CTNND2: variants seen among roughly 807,000 people sequenced by gnomAD.
CTNND2 encodes the protein catenin delta 2.
Under a neutral mutation model 144.4 loss-of-function variants are expected in CTNND2, and 22 were observed. The ratio of observed to expected loss-of-function variants is 0.15; its 90% CI spans 0.11 to 0.22. CTNND2 has a LOEUF of 0.22. Among genes scored for constraint, CTNND2 ranks in the 10% least tolerant of loss-of-function variants. The pLI is 1.00. For synonymous variants in CTNND2, 751 were observed against 695.6 expected (o/e 1.08, Z -1.25); for missense variants, 1,353 against 1,618.8 (o/e 0.84, Z 2.82).
chr5:11,805,103 A>C (rs1463704637), intron 1 of CTNND2, among the ~76,000 whole-genome samples: 1 of 152,146 alleles, frequency 6.6e-6, no homozygotes, highest in South Asian at 2.1e-4. Context: ...CTGAACAATT[A>C]AGTAAAAGGA....
At chr5:11,857,901 TG>T (rs1162808478) in intron 1 of CTNND2, among the ~76,000 whole-genome samples, 1 of 152,220 alleles carries the variant, frequency 6.6e-6, no homozygotes, top group Non-Finnish European at 1.5e-5. Context: ...TGACAAGGTC[TG>T]CCCATGATCA....
At chr5:11,766,374 A>C (rs1789589015) in intron 1 of CTNND2, among the ~76,000 whole-genome samples, 2 of 152,154 alleles carry the variant, frequency 1.3e-5, no homozygotes, top group Admixed American at 1.3e-4. Flanking sequence ...GGAAGGACCC[A>C]GTGGGAGGTA....
intron 11 of CTNND2, among the ~76,000 whole-genome samples, chr5:11,166,405 C>T (rs61757187): frequency 0.014 from 2,126 of 148,662 alleles, 19 homozygotes; most frequent in Non-Finnish European, 0.022. Context: ...TGCACCACCA[C>T]GCCCGGCTAA....
chr5:11,867,281 C>T (rs4379193), intron 1 of CTNND2, among the ~76,000 whole-genome samples: 99,325 of 152,126 alleles, frequency 0.65, 33,115 homozygotes, highest in East Asian at 0.81. Context: ...AGACTTTGCA[C>T]TGATTTCAGA....
intron 9 of CTNND2, among the ~76,000 whole-genome samples, chr5:11,257,677 T>A (rs890684927): frequency 6.6e-5 from 10 of 152,154 alleles, no homozygotes; most frequent in Non-Finnish European, 8.8e-5. Flanking sequence ...AATATGGGGT[T>A]ACAATTCGAG....
At chr5:11,570,206 C>G (rs1294226420) in intron 2 of CTNND2, among the ~76,000 whole-genome samples, 3 of 152,170 alleles carry the variant, frequency 2.0e-5, no homozygotes, top group Non-Finnish European at 4.4e-5. Flanking sequence ...CTGAAGAAAT[C>G]TCTCCTGGAG....
Position 11,320,261 on chromosome 5 carries a change from A to C in CTNND2, c.1628+26111T>G, listed in dbSNP as rs146121855. Among the ~76,000 whole-genome samples, 989 of 152,294 alleles carry C rather than the reference A, an allele frequency of 6.5e-3. 14 individuals carry two copies. Among genetic ancestry groups the C allele is most frequent in the African/African-American group, 0.022 (933 of 41,546 alleles). The stretch of plus-strand genomic sequence containing the variant: ...TGGTTGGCAGGTTTTGACAGGAAAA[A>C]AGTTGTTCTTCATAAACATTAATAT... On this transcript the variant is annotated intron_variant, in intron 9 of 21. Transcript: ENST00000304623.
intron 3 of CTNND2, among the ~76,000 whole-genome samples, chr5:11,495,975 G>C (rs1038110069): frequency 6.6e-6 from 1 of 152,080 alleles, no homozygotes; most frequent in African/African-American, 2.4e-5. Flanking sequence ...TCATTGCTAT[G>C]ATGTTGTTAT....
intron 1 of CTNND2, among the ~76,000 whole-genome samples, chr5:11,757,361 C>A (rs527650631): frequency 6.6e-5 from 10 of 151,830 alleles, no homozygotes; most frequent in Non-Finnish European, 1.3e-4. Flanking sequence ...GTTCTCTCCT[C>A]TACAAATACT....
chr5:11,607,231 C>T (rs545445668), intron 2 of CTNND2, among the ~76,000 whole-genome samples: 13 of 152,238 alleles, frequency 8.5e-5, no homozygotes, highest in African/African-American at 2.9e-4. Flanking sequence ...AACTGTGAAA[C>T]AATCATCTTC....
intron 2 of CTNND2, among the ~76,000 whole-genome samples, chr5:11,695,893 TATA>T (rs952150176): frequency 1.3e-5 from 2 of 152,250 alleles, no homozygotes; most frequent in African/African-American, 4.8e-5. Context: ...CACTTAACTA[TATA>T]ATGAGTATTG....
chr5:11,278,388 G>A (rs1204559587), intron 9 of CTNND2, among the ~76,000 whole-genome samples: 1 of 152,162 alleles, frequency 6.6e-6, no homozygotes, highest in East Asian at 1.9e-4. Context: ...GCCAGACACT[G>A]GAAAGCATGA....
At chr5:11,312,375 TC>T (rs1380367481) in intron 9 of CTNND2, among the ~76,000 whole-genome samples, 4 of 151,936 alleles carry the variant, frequency 2.6e-5, no homozygotes, top group Non-Finnish European at 5.9e-5. Context: ...GACTTACAGT[TC>T]CACATGGCTG....
intron 1 of CTNND2, among the ~76,000 whole-genome samples, chr5:11,889,427 T>C (rs918611287): frequency 6.6e-6 from 1 of 152,200 alleles, no homozygotes; most frequent in African/African-American, 2.4e-5. Flanking sequence ...CATTCTAAAT[T>C]AGTGTTTGAG....
At chr5:10,987,676 C>T (rs999933884) in intron 20 of CTNND2, among the ~76,000 whole-genome samples, 3 of 131,560 alleles carry the variant, frequency 2.3e-5, no homozygotes, top group African/African-American at 8.6e-5. Context: ...CCTCTCCTCC[C>T]CTCCCCACTC....
Position 11,388,444 on chromosome 5 carries a change from A to T in CTNND2, c.613-3215T>A, listed in dbSNP as rs191061813. On this transcript the variant is annotated intron_variant, in intron 6 of 21. Transcript: ENST00000304623. The stretch of plus-strand genomic sequence containing the variant: ...GTACATACTTAACTTTAATTAAGTT[A>T]AACAGCCACATGTGACTAGTGGCCA... Among the ~76,000 whole-genome samples the T allele has an allele frequency of 5.3e-3, 815 of 152,346 alleles. 3 individuals are homozygous for T. Among genetic ancestry groups the T allele is most frequent in the Admixed American group, 0.011 (161 of 15,300 alleles).
intron 1 of CTNND2, among the ~76,000 whole-genome samples, chr5:11,839,465 C>T (rs1209848014): frequency 6.6e-6 from 1 of 151,944 alleles, no homozygotes. Flanking sequence ...CTATTGCTGT[C>T]TATCATGGCT....
intron 11 of CTNND2, among the ~76,000 whole-genome samples, chr5:11,165,849 T>G (rs189116732): frequency 9.8e-4 from 150 of 152,316 alleles, no homozygotes; most frequent in Non-Finnish European, 1.7e-3. Context: ...AGTTTCTTTT[T>G]ACTGAAAGAG....
At chr5:11,513,017 G>T (rs1771803947) in intron 3 of CTNND2, among the ~76,000 whole-genome samples, 2 of 152,086 alleles carry the variant, frequency 1.3e-5, no homozygotes, top group Admixed American at 6.6e-5. Flanking sequence ...CTTCATGAAG[G>T]TGGCAGGAAG....
Sources: allele counts gnomAD v4.1 joint callset (sites outside exome capture counted in the v4.1 genomes callset), GRCh38; gene constraint gnomAD v4.1.1; transcripts MANE v1.5; gene names NCBI Gene and HGNC (gene_info 2026-07-23, HGNC 2026-07-21).